The following OPCML variants were observed in gnomAD, a reference collection of about 807,000 sequenced individuals.
OPCML encodes the protein opioid-binding protein/cell adhesion molecule.
OPCML carries 13 observed loss-of-function variants against 37.8 expected under a neutral mutation model. The observed-to-expected ratio is 0.34, with a 90% CI of 0.22 to 0.55. The LOEUF (loss-of-function observed/expected upper bound fraction) is 0.55. Ranked by LOEUF, OPCML falls within the 20% of genes least tolerant of loss-of-function variation. OPCML has a pLI of 0.91. For missense variants in OPCML, 341 were observed against 435.6 expected, an observed-to-expected ratio of 0.78 and a Z score of 1.93; for synonymous variants, 176 against 168.8, an observed-to-expected ratio of 1.04 and a Z score of -0.33.
intron 3 of OPCML, among the ~76,000 whole-genome samples, chr11:132,630,499 T>C (rs1254674425): frequency 2.0e-5 from 3 of 152,052 alleles, no homozygotes; most frequent in African/African-American, 4.8e-5. Context: ...TTTGTTAAAT[T>C]GATAAGTTGA....
chr11:133,042,814 C>A (rs901906969), intron 1 of OPCML, among the ~76,000 whole-genome samples: 1 of 152,008 alleles, frequency 6.6e-6, no homozygotes, highest in African/African-American at 2.4e-5. Context: ...TCAGTATAAC[C>A]AAGTCATATT....
chr11:133,530,106 G>A (rs1421998503), intron 1 of OPCML, among the ~76,000 whole-genome samples: 1 of 152,166 alleles, frequency 6.6e-6, no homozygotes, highest in Non-Finnish European at 1.5e-5. Flanking sequence ...GGGTGGGGGG[G>A]ATAGCTTGTC....
In OPCML at chr11:133,342,414, G is replaced by A. The variant is rs543017075; in HGVS notation, c.61+189850C>T. On this transcript the variant is annotated intron_variant, in intron 1 of 7. Transcript: ENST00000524381. Reference sequence around the variant, plus strand: ...TGCCGCTGTCTCTGTACTAGAAATCGAAGGCGATCTGCTCCTACCTGTACA... The same window carrying A: ...TGCCGCTGTCTCTGTACTAGAAATCAAAGGCGATCTGCTCCTACCTGTACA... 1.7e-4 allele frequency among the ~76,000 whole-genome samples: 26 copies of A among 152,264 alleles called. No individual in the cohort carries two copies. In the South Asian group the frequency reaches 4.6e-3, roughly 27 times the overall value.
Position 133,173,586 on chromosome 11 carries a change from T to C in OPCML, c.62-230576A>G, listed in dbSNP as rs1203685611. On this transcript the variant is annotated intron_variant, in intron 1 of 7. Transcript: ENST00000524381. The surrounding 1 kb of genome is among the most constrained non-coding windows in gnomAD (Gnocchi z 7.8). ...GGAAGCCACCAGCATTCAAATCACA[T>C]CACCTTTCAAATCACCCCCCAGATG... Among the ~76,000 whole-genome samples the C allele has an allele frequency of 6.6e-6, 1 of 152,088 alleles. No individual in the cohort carries two copies. Among genetic ancestry groups the C allele is most frequent in the Admixed American group, 6.5e-5 (1 of 15,280 alleles).
intron 3 of OPCML, among the ~76,000 whole-genome samples, chr11:132,653,468 T>C (rs137988832): frequency 0.022 from 3,384 of 152,276 alleles, 58 homozygotes; most frequent in Non-Finnish European, 0.034. Flanking sequence ...ACCCCACAGC[T>C]GAGCATCCCC....
At chr11:132,437,441 G>T in intron 4 of OPCML, 82 bp from the exon 5 acceptor site, 1 of 1,551,596 alleles carries the variant, frequency 6.4e-7, no homozygotes. Context: ...AGAGATTGTA[G>T]GAGGAGGAAG....
At chr11:133,194,587 A>C (rs958129021) in intron 1 of OPCML, among the ~76,000 whole-genome samples, 1 of 152,186 alleles carries the variant, frequency 6.6e-6, no homozygotes, top group African/African-American at 2.4e-5. Flanking sequence ...AGAATGAGTT[A>C]TAATAACCTC....
chr11:133,086,987 A>C (rs993252194), intron 1 of OPCML, among the ~76,000 whole-genome samples: 4 of 152,210 alleles, frequency 2.6e-5, no homozygotes, highest in Non-Finnish European at 5.9e-5. Context: ...CTAAGTATAC[A>C]CTTGAGCCTG....
chr11:132,562,090 G>T (rs2096411911), intron 3 of OPCML, among the ~76,000 whole-genome samples: 1 of 152,198 alleles, frequency 6.6e-6, no homozygotes, highest in Non-Finnish European at 1.5e-5. Context: ...ACTGAGCAGA[G>T]TCAGAGAGGA....
chr11:133,431,470 T>TTGG, intron 1 of OPCML, among the ~76,000 whole-genome samples: 1 of 145,540 alleles, frequency 6.9e-6, no homozygotes, highest in Middle Eastern at 3.5e-3. Context: ...TTTTTGTTTG[T>TTGG]TTGTTTGTTT....
rs1361124573 is a variant in OPCML at position 132,842,022 on chromosome 11, G to T, written c.146+100904C>A. Among the ~76,000 whole-genome samples, 3 of 152,070 alleles carry T rather than the reference G, an allele frequency of 2.0e-5. No individual in the cohort carries two copies. In the East Asian group the frequency reaches 5.8e-4, roughly 29 times the overall value. On this transcript the variant is annotated intron_variant, in intron 2 of 7. Coordinates refer to ENST00000524381, the MANE Select transcript of OPCML (RefSeq NM_001012393.5). ...GTATCTTAAATGTTTGAGGTGACAG[G>T]CTCTCAGTAACACAGGGGAAAGTTC...
intron 1 of OPCML, among the ~76,000 whole-genome samples, chr11:133,505,099 GACC>G (rs1210662278): frequency 2.0e-5 from 3 of 152,198 alleles, no homozygotes; most frequent in Non-Finnish European, 4.4e-5. Flanking sequence ...CACACCACAT[GACC>G]TTAGGGAAGG....
chr11:133,369,223 A>G (rs541354708), intron 1 of OPCML, among the ~76,000 whole-genome samples: 12 of 152,342 alleles, frequency 7.9e-5, no homozygotes, highest in Non-Finnish European at 1.2e-4. Flanking sequence ...AATAACTTAA[A>G]TGAATTATCA....
intron 2 of OPCML, among the ~76,000 whole-genome samples, chr11:132,852,556 C>T (rs1414323667): frequency 1.3e-5 from 2 of 151,914 alleles, no homozygotes; most frequent in Non-Finnish European, 2.9e-5. Context: ...AGCAGTGGCA[C>T]CAAACTGTAT....
At chr11:132,585,797 C>T (rs1255337941) in intron 3 of OPCML, among the ~76,000 whole-genome samples, 1 of 152,130 alleles carries the variant, frequency 6.6e-6, no homozygotes, top group African/African-American at 2.4e-5. Context: ...CATCTCTTGC[C>T]CAGTTTCTGG....
At chr11:132,890,859 A>G (rs1210138200) in intron 2 of OPCML, among the ~76,000 whole-genome samples, 1 of 148,832 alleles carries the variant, frequency 6.7e-6, no homozygotes, top group African/African-American at 2.5e-5. Context: ...TCCATCTCAA[A>G]AAAAAAAAAA....
intron 3 of OPCML, among the ~76,000 whole-genome samples, chr11:132,608,077 C>A (rs773951788): frequency 6.6e-6 from 1 of 152,056 alleles, no homozygotes; most frequent in Non-Finnish European, 1.5e-5. Flanking sequence ...TTGATCTTTA[C>A]GAATTATATA....
At chr11:132,844,100 G>A (rs940352928) in intron 2 of OPCML, among the ~76,000 whole-genome samples, 1 of 152,170 alleles carries the variant, frequency 6.6e-6, no homozygotes, top group Non-Finnish European at 1.5e-5. Context: ...TTTGCCTGCT[G>A]CTATTCATGA....
intron 1 of OPCML, among the ~76,000 whole-genome samples, chr11:133,459,119 T>C (rs1236559883): frequency 6.6e-6 from 1 of 152,082 alleles, no homozygotes; most frequent in Admixed American, 6.5e-5. Context: ...AGCAGAGTTT[T>C]TGTATGTGAC....
Sources: allele counts gnomAD v4.1 joint callset (sites outside exome capture counted in the v4.1 genomes callset), GRCh38; gene constraint gnomAD v4.1.1; non-coding constraint Gnocchi (gnomAD v3.1); transcripts MANE v1.5; gene names NCBI Gene and HGNC (gene_info 2026-07-23, HGNC 2026-07-21).